Variants in TAOK1 observed in about 807,000 individuals in gnomAD.
The protein encoded by TAOK1 is TAO kinase 1.
A neutral mutation model predicts 138.3 loss-of-function variants in TAOK1; 21 were observed. That is an observed-to-expected ratio of 0.15 (90% CI 0.11 to 0.22). TAOK1 has a LOEUF of 0.22. Among genes scored for constraint, TAOK1 ranks in the 10% least tolerant of loss-of-function variants. The pLI is 1.00. For synonymous variants in TAOK1, 361 were observed against 398.4 expected, an observed-to-expected ratio of 0.91 and a Z score of 1.12; for missense variants, 651 against 1,227.7, an observed-to-expected ratio of 0.53 and a Z score of 7.02.
chr17:29,534,085 T>C (rs747378141), intron 18 of TAOK1, 33 bp from the exon 19 acceptor site: 2 of 1,556,522 alleles, frequency 1.3e-6, no homozygotes, highest in East Asian at 4.6e-5. Context: ...TTAGGATATA[T>C]CTTTTTTTTT....
chr17:29,401,796 A>G (rs1228983194), intron 1 of TAOK1, among the ~76,000 whole-genome samples: 1 of 151,914 alleles, frequency 6.6e-6, no homozygotes, highest in Non-Finnish European at 1.5e-5. Context: ...CTGTGCCACC[A>G]CGCCTGGCTA....
At chr17:29,499,560 C>CTTTT (rs200387206) in intron 12 of TAOK1, among the ~76,000 whole-genome samples, 2 of 109,156 alleles carry the variant, frequency 1.8e-5, no homozygotes, top group Admixed American at 1.0e-4. Flanking sequence ...TTCTTTCTTT[C>CTTTT]TTTCTTTTTT....
At chr17:29,467,257 A>ATCTCAGAATAAATATATACATTCTTT in intron 3 of TAOK1, 41 bp downstream of exon 3, 1 of 1,284,108 alleles carries the variant, frequency 7.8e-7, no homozygotes, top group South Asian at 1.4e-5. Context: ...TCTTATATTT[A>ATCTCAGAATAAATATATACATTCTTT]TCTCAGAATA....
At chr17:29,499,188 A>G (rs1033710952) in intron 12 of TAOK1, among the ~76,000 whole-genome samples, 3 of 151,094 alleles carry the variant, frequency 2.0e-5, no homozygotes, top group Non-Finnish European at 4.4e-5. Context: ...GGGATGAGTG[A>G]TGATCAAAAG....
chr17:29,535,570 T>A (rs547306), intron 19 of TAOK1, among the ~76,000 whole-genome samples: 1 of 151,940 alleles, frequency 6.6e-6, no homozygotes, highest in African/African-American at 2.4e-5. Flanking sequence ...AAAATATCTT[T>A]TAAACCAGGT....
chr17:29,413,160 G>A (rs1188701048), intron 1 of TAOK1, among the ~76,000 whole-genome samples: 1 of 152,110 alleles, frequency 6.6e-6, no homozygotes, highest in Non-Finnish European at 1.5e-5. Context: ...GAGTCAACAG[G>A]AAATATTAAT....
intron 1 of TAOK1, among the ~76,000 whole-genome samples, chr17:29,444,152 T>C (rs950812248): frequency 3.3e-5 from 5 of 152,234 alleles, no homozygotes; most frequent in Non-Finnish European, 5.9e-5. Flanking sequence ...TATACACTTA[T>C]ATTAGTCCTA....
At chr17:29,522,180 G>A (rs540172182) in intron 16 of TAOK1, 100 bp from the exon 17 acceptor site, 9 of 1,440,684 alleles carry the variant, frequency 6.2e-6, no homozygotes, top group South Asian at 5.5e-5. Context: ...TGAATAACAG[G>A]GTTAATTACA....
Position 29,481,731 on chromosome 17 carries a change from G to A in TAOK1, c.564-466G>A, listed in dbSNP as rs1415057822. The stretch of plus-strand genomic sequence containing the variant: ...TCCCAGCACTTTGGGAGGCCAAGGC[G>A]GGCGGATCACCAGGTCAGGAGATCG... On this transcript the variant is annotated intron_variant, in intron 7 of 19. Transcript: ENST00000261716. 6.6e-5 allele frequency among the ~76,000 whole-genome samples: 10 copies of A among 151,892 alleles called. No homozygotes were observed. In the South Asian group the frequency reaches 8.3e-4, roughly 13 times the overall value.
intron 19 of TAOK1, among the ~76,000 whole-genome samples, chr17:29,534,928 GGTGTGTGTGTGTGTGT>G (rs71138832): frequency 6.1e-5 from 9 of 147,322 alleles, no homozygotes; most frequent in South Asian, 2.2e-4. Flanking sequence ...AGGATACTAA[GGTGTGTGTGTGTGTGT>G]GTGTGTGTGT....
chr17:29,441,033 G>A (rs1361956510), intron 1 of TAOK1, among the ~76,000 whole-genome samples: 1 of 152,084 alleles, frequency 6.6e-6, no homozygotes, highest in African/African-American at 2.4e-5. Flanking sequence ...CCTAGAATAA[G>A]TGCCACTTAA....
At position 29,532,739 on chromosome 17, in the gene TAOK1, C is replaced by T. The variant is rs1320388079; in HGVS notation, c.2362-1379C>T. Among the ~76,000 whole-genome samples, 10 of 152,224 alleles carry T rather than the reference C, an allele frequency of 6.6e-5. No homozygotes were observed. The East Asian group carries it at 1.7e-3, about 26-fold the overall frequency. On this transcript the variant is annotated intron_variant, in intron 18 of 19. Transcript: ENST00000261716. ...GAACAAAATGAAAAGTCTCCCATGT[C>T]TACTTCTTTCTACACAGACACGGCA...
rs1192209178 is a variant in TAOK1, at chr17:29,547,541, T to C, written c.*4519T>C. The C allele has an allele frequency of 3.3e-5, 5 of 152,104 alleles. No individual in the cohort carries two copies. Among genetic ancestry groups the C allele is most frequent in the African/African-American group, 1.2e-4 (5 of 41,442 alleles). 9.4% of individuals were successfully genotyped at this position (152,104 alleles called of 1,614,324 possible). On this transcript the variant is annotated 3_prime_UTR_variant, in exon 20 of 20. Transcript: ENST00000261716. ...TGCTCACAATGTGAAGTGTCTTCTG[T>C]ATTCAAATCAAAAAATAATATATTT...
chr17:29,412,675 T>C (rs1019968919), intron 1 of TAOK1, among the ~76,000 whole-genome samples: 1 of 152,218 alleles, frequency 6.6e-6, no homozygotes, highest in African/African-American at 2.4e-5. Context: ...TTGAATAGAA[T>C]CTAATTGAAT....
chr17:29,402,199 T>C (rs1904865607), intron 1 of TAOK1, among the ~76,000 whole-genome samples: 1 of 152,206 alleles, frequency 6.6e-6, no homozygotes, highest in African/African-American at 2.4e-5. Flanking sequence ...TCATGGTAAC[T>C]TCTGAGGTTT....
chr17:29,459,878 GGGTTCCC>G (rs1444576625), intron 2 of TAOK1, among the ~76,000 whole-genome samples: 1 of 152,096 alleles, frequency 6.6e-6, no homozygotes, highest in African/African-American at 2.4e-5. Flanking sequence ...CAGTGTACAG[GGGTTCCC>G]TTTTCTCCAC....
chr17:29,399,524 C>T (rs1247782183), intron 1 of TAOK1, among the ~76,000 whole-genome samples: 2 of 152,012 alleles, frequency 1.3e-5, no homozygotes, highest in Non-Finnish European at 2.9e-5. Context: ...ACCGTGTTAG[C>T]CAGGATGGTC....
At chr17:29,401,628 A>G (rs1223201557) in intron 1 of TAOK1, among the ~76,000 whole-genome samples, 1 of 151,448 alleles carries the variant, frequency 6.6e-6, no homozygotes, top group Non-Finnish European at 1.5e-5. Flanking sequence ...GGGTAGGGAC[A>G]CAGAGCCAAA....
chr17:29,436,637 C>T (rs1208741029), intron 1 of TAOK1, among the ~76,000 whole-genome samples: 2 of 152,120 alleles, frequency 1.3e-5, no homozygotes, highest in Non-Finnish European at 2.9e-5. Context: ...ACACAATTGG[C>T]AAAGAAGTTT....
Sources: gnomAD v4.1 joint callset for allele counts (sites outside exome capture counted in the v4.1 genomes callset) on GRCh38, gnomAD v4.1.1 for gene constraint, MANE v1.5 for transcripts, NCBI Gene and HGNC (gene_info 2026-07-23, HGNC 2026-07-21) for gene names.